ANKS1B: variants seen among roughly 807,000 people sequenced by gnomAD.
ANKS1B encodes ankyrin repeat and sterile alpha motif domain-containing protein 1B.
A neutral mutation model predicts 148.3 loss-of-function variants in ANKS1B; 36 were observed. The ratio of observed to expected loss-of-function variants is 0.24; its 90% CI spans 0.19 to 0.32. The LOEUF (loss-of-function observed/expected upper bound fraction) is 0.32, where lower values mean the gene tolerates loss of function less well. ANKS1B is among the 10% of genes least tolerant of loss of function. The probability of loss-of-function intolerance (pLI) is 1.00; values close to 1 mark genes in which losing one functional copy is unlikely to be tolerated. For missense variants in ANKS1B, 1,157 were observed against 1,542.6 expected, an observed-to-expected ratio of 0.75 and a Z score of 4.19; for synonymous variants, 542 against 560.8, an observed-to-expected ratio of 0.97 and a Z score of 0.47.
chr12:99,649,467 T>C (rs2098404017), intron 9 of ANKS1B: 1 of 1,274,414 alleles, frequency 7.8e-7, no homozygotes, highest in African/African-American at 1.5e-5. Context: ...AAACCTATAG[T>C]GCCTGATGAA....
intron 14 of ANKS1B, among the ~76,000 whole-genome samples, chr12:99,171,725 ACC>A (rs2077779549): frequency 6.6e-6 from 1 of 152,204 alleles, no homozygotes; most frequent in Admixed American, 6.5e-5. Flanking sequence ...TATAGGCCAT[ACC>A]TGATTGGAAA....
At chr12:99,496,860 G>A (rs1481761971) in intron 10 of ANKS1B, among the ~76,000 whole-genome samples, 2 of 152,084 alleles carry the variant, frequency 1.3e-5, no homozygotes, top group East Asian at 3.9e-4. Flanking sequence ...ACACAATGTT[G>A]CCAGTCACAA....
intron 17 of ANKS1B, 90 bp downstream of exon 17, chr12:99,053,062 TCCCCA>T: frequency 8.9e-7 from 1 of 1,126,014 alleles, no homozygotes; most frequent in South Asian, 2.0e-5. Context: ...TATCTATAAA[TCCCCA>T]TTGGATGTCC....
chr12:99,045,765 T>C (rs1458674522), intron 17 of ANKS1B, among the ~76,000 whole-genome samples: 3 of 152,102 alleles, frequency 2.0e-5, no homozygotes, highest in Non-Finnish European at 2.9e-5. Flanking sequence ...CCCTGAGAGA[T>C]GGAAAACAAA....
chr12:99,642,405 A>G (rs1249757468), intron 9 of ANKS1B, among the ~76,000 whole-genome samples: 1 of 152,192 alleles, frequency 6.6e-6, no homozygotes, highest in East Asian at 1.9e-4. Context: ...CAAACTTAGT[A>G]TTATAGCTTA....
At chr12:99,669,112 G>C (rs746935798) in intron 8 of ANKS1B, among the ~76,000 whole-genome samples, 1 of 151,802 alleles carries the variant, frequency 6.6e-6, no homozygotes, top group East Asian at 1.9e-4. Context: ...GTAATTCCAG[G>C]CCTATTTTTA....
intron 8 of ANKS1B, among the ~76,000 whole-genome samples, chr12:99,673,119 T>G (rs991348595): frequency 1.3e-5 from 2 of 151,816 alleles, no homozygotes; most frequent in Non-Finnish European, 2.9e-5. Context: ...TAATCTTAGG[T>G]GAAAAAGCCT....
chr12:99,902,262 T>G (rs1191783533), intron 1 of ANKS1B, among the ~76,000 whole-genome samples: 1 of 152,092 alleles, frequency 6.6e-6, no homozygotes, highest in Non-Finnish European at 1.5e-5. Context: ...CAAAGAGAAC[T>G]GGAAGATCAT....
intron 14 of ANKS1B, among the ~76,000 whole-genome samples, chr12:99,217,888 T>A (rs2084475130): frequency 6.6e-6 from 1 of 152,188 alleles, no homozygotes. Flanking sequence ...TGAATAAGTG[T>A]CTTGTCCAAG....
At chr12:99,000,522 G>A (rs1036636430) in intron 17 of ANKS1B, among the ~76,000 whole-genome samples, 1 of 152,066 alleles carries the variant, frequency 6.6e-6, no homozygotes, top group Admixed American at 6.6e-5. Context: ...TCCTGCCTTG[G>A]CCTCCCAAAG....
chr12:99,692,179 G>A (rs974584386), intron 8 of ANKS1B, among the ~76,000 whole-genome samples: 2 of 152,136 alleles, frequency 1.3e-5, no homozygotes, highest in Non-Finnish European at 2.9e-5. Flanking sequence ...GAACATTCTG[G>A]ATGCTGTGAG....
intron 14 of ANKS1B, among the ~76,000 whole-genome samples, chr12:99,233,183 C>T (rs2153954212): frequency 6.6e-6 from 1 of 152,158 alleles, no homozygotes; most frequent in African/African-American, 2.4e-5. Flanking sequence ...TATATATATG[C>T]AAACATTCCA....
chr12:99,365,488 G>C (rs1216867049), intron 12 of ANKS1B, among the ~76,000 whole-genome samples: 1 of 152,174 alleles, frequency 6.6e-6, no homozygotes, highest in African/African-American at 2.4e-5. Flanking sequence ...GTGAGCCCCA[G>C]AGTTCTTACA....
At chr12:98,892,412 G>A (rs561763302) in intron 17 of ANKS1B, among the ~76,000 whole-genome samples, 55 of 152,278 alleles carry the variant, frequency 3.6e-4, no homozygotes, top group African/African-American at 1.1e-3. Flanking sequence ...TATTAGGAAT[G>A]GCTTCCCCCA....
intron 12 of ANKS1B, among the ~76,000 whole-genome samples, chr12:99,251,468 A>C (rs1324969991): frequency 6.6e-6 from 1 of 152,224 alleles, no homozygotes; most frequent in Non-Finnish European, 1.5e-5. Context: ...TATACAGATT[A>C]AACTGTTGTC....
intron 9 of ANKS1B, among the ~76,000 whole-genome samples, chr12:99,524,154 G>C (rs2096903621): frequency 6.6e-6 from 1 of 152,144 alleles, no homozygotes; most frequent in East Asian, 1.9e-4. Flanking sequence ...TCAAGAAAAA[G>C]TATCCCCTGA....
intron 17 of ANKS1B, among the ~76,000 whole-genome samples, chr12:99,038,109 C>T (rs992545972): frequency 2.6e-5 from 4 of 152,260 alleles, no homozygotes; most frequent in Admixed American, 1.3e-4. Flanking sequence ...TTTTCTCAGC[C>T]ATGGATCATA....
chr12:99,784,168 C>CTAGT (rs1438960257), intron 4 of ANKS1B, among the ~76,000 whole-genome samples: 1 of 110,878 alleles, frequency 9.0e-6, no homozygotes, highest in African/African-American at 3.4e-5. Context: ...ACTGAACTTT[C>CTAGT]TTTTTTTTTT....
chr12:99,808,216 A>T (rs910026789), intron 3 of ANKS1B, among the ~76,000 whole-genome samples: 4 of 152,078 alleles, frequency 2.6e-5, no homozygotes, highest in Middle Eastern at 3.2e-3. Flanking sequence ...AAATAAAAGG[A>T]TAAGAAGTGT....
Sources: allele counts gnomAD v4.1 joint callset (sites outside exome capture counted in the v4.1 genomes callset), GRCh38; gene constraint gnomAD v4.1.1; transcripts MANE v1.5; gene names NCBI Gene and HGNC (gene_info 2026-07-23, HGNC 2026-07-21).